Variants in LATS1 observed in about 807,000 individuals in gnomAD.
LATS1 encodes the protein large tumor suppressor kinase 1.
A neutral mutation model predicts 106.6 loss-of-function variants in LATS1; 25 were observed. The ratio of observed to expected loss-of-function variants is 0.23; its 90% CI spans 0.17 to 0.33. The LOEUF is 0.33. Ranked by LOEUF, LATS1 falls within the 10% of genes least tolerant of loss-of-function variation. The pLI is 1.00. For synonymous variants in LATS1, 465 were observed against 455.6 expected, an observed-to-expected ratio of 1.02 and a Z score of -0.26; for missense variants, 1,040 against 1,382.6, an observed-to-expected ratio of 0.75 and a Z score of 3.93.
chr6:149,669,712 T>G (rs1781346254), intron 7 of LATS1, among the ~76,000 whole-genome samples: 1 of 151,694 alleles, frequency 6.6e-6, no homozygotes, highest in Admixed American at 6.6e-5. Context: ...TGAGCTGAGA[T>G]CACGACCCTG....
intron 3 of LATS1, among the ~76,000 whole-genome samples, chr6:149,690,797 C>T (rs1183817635): frequency 6.6e-6 from 1 of 152,136 alleles, no homozygotes; most frequent in African/African-American, 2.4e-5. Context: ...CCTCAGTCTC[C>T]CAAAGTGCTG....
chr6:149,699,812 G>GT (rs1166353579), intron 2 of LATS1, among the ~76,000 whole-genome samples: 1 of 152,190 alleles, frequency 6.6e-6, no homozygotes, highest in Non-Finnish European at 1.5e-5. Flanking sequence ...TGCACACATA[G>GT]TAAGAACTCC....
At chr6:149,702,833 A>T (rs1225308121) in intron 1 of LATS1, among the ~76,000 whole-genome samples, 1 of 151,934 alleles carries the variant, frequency 6.6e-6, no homozygotes, top group Non-Finnish European at 1.5e-5. Flanking sequence ...CACCACGCCC[A>T]GCTAACTTTT....
chr6:149,703,434 G>A (rs1783579046), intron 1 of LATS1, among the ~76,000 whole-genome samples: 1 of 152,224 alleles, frequency 6.6e-6, no homozygotes, highest in Admixed American at 6.5e-5. Flanking sequence ...CACTCTTGAA[G>A]GTGGGGTCTG....
chr6:149,707,868 CTCTT>C (rs1196953866), intron 1 of LATS1, among the ~76,000 whole-genome samples: 87 of 152,212 alleles, frequency 5.7e-4, no homozygotes, highest in African/African-American at 1.9e-3. Flanking sequence ...CTGTACTAGT[CTCTT>C]TCTTCTTATT....
chr6:149,712,663 G>A (rs1784171440), intron 1 of LATS1, among the ~76,000 whole-genome samples: 1 of 152,040 alleles, frequency 6.6e-6, no homozygotes, highest in African/African-American at 2.4e-5. Flanking sequence ...TATCATGTTT[G>A]TTTGATTCTA....
chr6:149,688,096 C>T (rs1026627403), intron 3 of LATS1, among the ~76,000 whole-genome samples: 1 of 149,926 alleles, frequency 6.7e-6, no homozygotes, highest in African/African-American at 2.5e-5. Flanking sequence ...AGGATGGTCT[C>T]GATCTCCTGA....
intron 3 of LATS1, among the ~76,000 whole-genome samples, chr6:149,693,012 C>A (rs1782857279): frequency 6.6e-6 from 1 of 151,728 alleles, no homozygotes; most frequent in Admixed American, 6.6e-5. Context: ...CGCCTATAAT[C>A]CCAGCACTTC....
chr6:149,667,826 A>G (rs1437901264), intron 7 of LATS1, among the ~76,000 whole-genome samples: 1 of 152,262 alleles, frequency 6.6e-6, no homozygotes, highest in Non-Finnish European at 1.5e-5. Context: ...AGAGATCTGA[A>G]TAATTGCAGA....
chr6:149,680,383 A>G lies in LATS1; in HGVS notation c.2085T>C (p.Leu695=). The G allele has an allele frequency of 6.2e-7, 1 of 1,613,954 alleles. No homozygotes were observed. Among genetic ancestry groups the G allele is most frequent in the Non-Finnish European group, 8.5e-7 (1 of 1,179,972 alleles). Residue 695 remains leucine (L), a synonymous_variant, in exon 5 of 8, where the codon CTT becomes CTC. Coordinates refer to ENST00000543571, the MANE Select transcript of LATS1 (RefSeq NM_004690.4). ...TAGACTTGTCCATTTTAGCCCTTTT[A>G]AGACGGATGTAATTAGATTCTTTTT... is the stretch of plus-strand genomic sequence containing the variant. ...LCQKESNYIR[L]KRAKMDKSMF...
chr6:149,711,219 A>G (rs1295206442), intron 1 of LATS1, among the ~76,000 whole-genome samples: 1 of 151,986 alleles, frequency 6.6e-6, no homozygotes, highest in African/African-American at 2.4e-5. Flanking sequence ...AGGCTTACTA[A>G]CTTTAAAGAA....
intron 1 of LATS1, among the ~76,000 whole-genome samples, chr6:149,708,771 G>A (rs1161833358): frequency 6.6e-6 from 1 of 152,154 alleles, no homozygotes. Context: ...ACTGAACTCT[G>A]AGCAAGAGAA....
rs1780826939 is a variant in LATS1, at chr6:149,659,955, A to G, written c.*1774T>C. 1 of 231,468 alleles carries G rather than the reference A, an allele frequency of 4.3e-6. No homozygotes were observed. Among genetic ancestry groups the G allele is most frequent in the East Asian group, 6.2e-5 (1 of 16,242 alleles). 14.3% of individuals were successfully genotyped at this position (231,468 alleles called of 1,614,324 possible). Reference sequence around the variant, plus strand: ...AGAGAGGCATTCATAAGGTCACCTTATATCACATGCTACAGACCTTTTCCA... The same window carrying G: ...AGAGAGGCATTCATAAGGTCACCTTGTATCACATGCTACAGACCTTTTCCA... On this transcript the variant is annotated 3_prime_UTR_variant, in exon 8 of 8. Transcript: ENST00000543571.
At chr6:149,705,598 GA>G (rs200249597) in intron 1 of LATS1, among the ~76,000 whole-genome samples, 83 of 142,572 alleles carry the variant, frequency 5.8e-4, no homozygotes, top group Middle Eastern at 3.5e-3. Flanking sequence ...GAGAGAGAGA[GA>G]AAAAAAAAAG....
chr6:149,667,252 T>G (rs1163003568), intron 7 of LATS1, among the ~76,000 whole-genome samples: 1 of 151,626 alleles, frequency 6.6e-6, no homozygotes, highest in African/African-American at 2.4e-5. Context: ...CTGGCCAACA[T>G]GGTGAGAACC....
intron 2 of LATS1, among the ~76,000 whole-genome samples, chr6:149,695,689 A>G (rs902800382): frequency 7.9e-5 from 12 of 152,090 alleles, no homozygotes; most frequent in South Asian, 2.1e-4. Flanking sequence ...AAAAAAAAAA[A>G]AAAGAAAGAA....
chr6:149,704,805 T>C (rs1326522123), intron 1 of LATS1, among the ~76,000 whole-genome samples: 2 of 151,992 alleles, frequency 1.3e-5, no homozygotes, highest in Non-Finnish European at 2.9e-5. Flanking sequence ...AACTTTATAG[T>C]ATATAAATTG....
intron 4 of LATS1, among the ~76,000 whole-genome samples, chr6:149,682,023 A>T (rs1376457653): frequency 1.3e-5 from 2 of 151,862 alleles, no homozygotes; most frequent in Non-Finnish European, 2.9e-5. Flanking sequence ...GAGGCAGGAG[A>T]ACTGCTTGAA....
At chr6:149,663,167 T>C (rs563641095) in intron 7 of LATS1, among the ~76,000 whole-genome samples, 8 of 152,204 alleles carry the variant, frequency 5.3e-5, no homozygotes, top group South Asian at 4.2e-4. Flanking sequence ...GTAGAATGCA[T>C]TGTCATTTAA....
Sources: gnomAD v4.1 joint callset for allele counts (sites outside exome capture counted in the v4.1 genomes callset) on GRCh38, gnomAD v4.1.1 for gene constraint, MANE v1.5 for transcripts, NCBI Gene and HGNC (gene_info 2026-07-23, HGNC 2026-07-21) for gene names.